The following SPATA16 variants were observed in gnomAD, a reference collection of about 807,000 sequenced individuals.
SPATA16 encodes spermatogenesis-associated protein 16.
SPATA16 carries 36 observed loss-of-function variants against 63.3 expected under a neutral mutation model. That is an observed-to-expected ratio of 0.57 (90% CI 0.44 to 0.75). SPATA16 has a LOEUF of 0.75. Among genes scored for constraint, SPATA16 ranks in the 30% least tolerant of loss-of-function variants. The probability of loss-of-function intolerance (pLI) is 0.00; values close to 1 mark genes in which losing one functional copy is unlikely to be tolerated. For synonymous variants in SPATA16, 203 were observed against 216.7 expected (o/e 0.94, Z 0.56); for missense variants, 646 against 679.3 (o/e 0.95, Z 0.54).
chr3:173,018,337 C>T (rs993541336), intron 4 of SPATA16, among the ~76,000 whole-genome samples: 2 of 150,328 alleles, frequency 1.3e-5, no homozygotes, highest in African/African-American at 4.9e-5. Context: ...TGCAATGGCG[C>T]GATCTCGGCT....
At chr3:173,051,524 T>G (rs1044298247) in intron 2 of SPATA16, among the ~76,000 whole-genome samples, 1 of 152,062 alleles carries the variant, frequency 6.6e-6, no homozygotes, top group East Asian at 1.9e-4. Context: ...TCAGTACAGA[T>G]GGGGTTTCAC....
intron 8 of SPATA16, among the ~76,000 whole-genome samples, chr3:172,917,859 C>A (rs1288325447): frequency 6.6e-6 from 1 of 152,174 alleles, no homozygotes; most frequent in Non-Finnish European, 1.5e-5. Flanking sequence ...TTTTGAAAGG[C>A]CACACTCGTA....
intron 2 of SPATA16, among the ~76,000 whole-genome samples, chr3:173,069,884 CTA>C (rs1397787203): frequency 1.3e-5 from 2 of 151,782 alleles, no homozygotes; most frequent in Admixed American, 1.3e-4. Context: ...AGGACAAAAA[CTA>C]TATGATTACT....
chr3:173,134,354 G>C (rs535792001), intron 1 of SPATA16, among the ~76,000 whole-genome samples: 1 of 151,886 alleles, frequency 6.6e-6, no homozygotes, highest in African/African-American at 2.4e-5. Context: ...GTGAGTGAGG[G>C]AGTAAATTCT....
At chr3:173,042,495 G>C (rs1275401317) in intron 3 of SPATA16, among the ~76,000 whole-genome samples, 1 of 152,096 alleles carries the variant, frequency 6.6e-6, no homozygotes, top group Admixed American at 6.6e-5. Flanking sequence ...CAAAGTGTTG[G>C]CATTACAGGC....
Position 172,929,222 on chromosome 3 carries a change from G to T in SPATA16, c.1082-3730C>A, listed in dbSNP as rs1011309580. Among the ~76,000 whole-genome samples the T allele has an allele frequency of 1.8e-4, 27 of 151,984 alleles. 1 individual carries two copies. The highest frequency in any genetic ancestry group is 7.3e-5 in the African/African-American group (3 of 41,372). On this transcript the variant is annotated intron_variant, in intron 6 of 10. Coordinates refer to ENST00000351008, the MANE Select transcript of SPATA16 (RefSeq NM_031955.6). The stretch of plus-strand genomic sequence containing the variant: ...AGATGAAATTTATATGACTATGACT[G>T]AATTTATTATTAAAAAAAAATCAGT...
intron 1 of SPATA16, among the ~76,000 whole-genome samples, chr3:173,123,177 A>C (rs1223962008): frequency 6.6e-6 from 1 of 152,244 alleles, no homozygotes. Context: ...TGTTATATAC[A>C]TAATAATAAC....
Position 172,956,722 on chromosome 3 carries a change from C to T in SPATA16, c.1036G>A (p.Ala346Thr), listed in dbSNP as rs995938659. The T allele has an allele frequency of 1.9e-6, 3 of 1,612,654 alleles. No individual in the cohort carries two copies. The highest frequency in any genetic ancestry group is 1.7e-4 in the Middle Eastern group (1 of 5,908). Residue 346 changes from alanine to threonine, a missense_variant, in exon 6 of 11, where the codon GCT (alanine) becomes ACT (threonine). Coordinates refer to ENST00000351008, the MANE Select transcript of SPATA16 (RefSeq NM_031955.6). ...TATGCAGGATGAGTTTTTGTGAAAG[C>T]ATCTTTTACTTTTTCTATTTTATCA... ...RADKIEKVKD[A>T]FTKTHPAYAE...
intron 6 of SPATA16, among the ~76,000 whole-genome samples, chr3:172,938,749 A>G (rs1261293114): frequency 1.3e-5 from 2 of 152,172 alleles, no homozygotes; most frequent in Non-Finnish European, 1.5e-5. Context: ...TTAGAATCAC[A>G]GAAAGTTTGG....
intron 6 of SPATA16, among the ~76,000 whole-genome samples, chr3:172,936,256 AG>A (rs1466753704): frequency 6.6e-6 from 1 of 152,194 alleles, no homozygotes; most frequent in Admixed American, 6.5e-5. Context: ...GGGAGGAAAT[AG>A]GGAGTAAAGA....
chr3:172,916,443 C>T lies in SPATA16; in HGVS notation c.1377G>A (p.Leu459=). Residue 459 remains leucine (L), a synonymous_variant, in exon 9 of 11, where the codon TTG becomes TTA. Transcript: ENST00000351008. ...GCTGGCTGAGGAGGCTGGCATATTG[C>T]AACTTCTCCATCACACCTGAGGATG... is the stretch of plus-strand genomic sequence containing the variant. ...FPASSGVMEK[L]QYASLLSQLQ... 1 of 1,613,820 alleles carries T rather than the reference C, an allele frequency of 6.2e-7. No homozygotes were observed. Among genetic ancestry groups the T allele is most frequent in the Non-Finnish European group, 8.5e-7 (1 of 1,179,794 alleles).
intron 4 of SPATA16, among the ~76,000 whole-genome samples, chr3:172,983,330 T>C (rs940253028): frequency 2.7e-5 from 4 of 146,542 alleles, no homozygotes; most frequent in South Asian, 4.2e-4. Context: ...TGACCTCTCT[T>C]TTTTTTTTTT....
chr3:173,042,698 A>G (rs962019709), intron 3 of SPATA16, among the ~76,000 whole-genome samples: 10 of 152,170 alleles, frequency 6.6e-5, no homozygotes, highest in Admixed American at 1.3e-4. Context: ...GGCCAAGGGA[A>G]GTTAATTATG....
At chr3:173,026,205 T>G (rs1396698921) in intron 3 of SPATA16, among the ~76,000 whole-genome samples, 5 of 151,834 alleles carry the variant, frequency 3.3e-5, no homozygotes, top group African/African-American at 1.2e-4. Context: ...GAGGATCTTT[T>G]CATGTGATTA....
At chr3:173,031,201 C>G (rs555559956) in intron 3 of SPATA16, among the ~76,000 whole-genome samples, 2 of 151,330 alleles carry the variant, frequency 1.3e-5, no homozygotes, top group African/African-American at 4.8e-5. Context: ...ACACTTAACA[C>G]TGGGTAAGAT....
intron 5 of SPATA16, among the ~76,000 whole-genome samples, chr3:172,963,486 T>C (rs1447958141): frequency 6.6e-6 from 1 of 151,878 alleles, no homozygotes; most frequent in Non-Finnish European, 1.5e-5. Context: ...AATTTAGTTT[T>C]GTAGTGTGTT....
chr3:172,911,317 C>T (rs903203734), intron 10 of SPATA16, among the ~76,000 whole-genome samples: 21 of 152,186 alleles, frequency 1.4e-4, no homozygotes, highest in African/African-American at 5.1e-4. Flanking sequence ...GGACTCTAAC[C>T]TCAGGGACAC....
chr3:172,924,647 A>C lies in SPATA16; in HGVS notation c.1229-330T>G, dbSNP rs542827670. On this transcript the variant is annotated intron_variant, in intron 7 of 10. Coordinates refer to ENST00000351008, the MANE Select transcript of SPATA16 (RefSeq NM_031955.6). ...AAAAAATGCGTCATAAATGTGTCTG[A>C]TTCTTGTCTTGTTCCTCCTAGGTAT... Among the ~76,000 whole-genome samples, 5 of 152,314 alleles carry C rather than the reference A, an allele frequency of 3.3e-5. No individual in the cohort carries two copies. In the East Asian group the frequency reaches 9.6e-4, roughly 29 times the overall value.
chr3:172,984,175 G>A (rs1232670217), intron 4 of SPATA16, among the ~76,000 whole-genome samples: 2 of 152,020 alleles, frequency 1.3e-5, no homozygotes, highest in Non-Finnish European at 1.5e-5. Context: ...CACATTTCAG[G>A]TGCTCGGTAG....
Sources: allele counts gnomAD v4.1 joint callset (sites outside exome capture counted in the v4.1 genomes callset), GRCh38; gene constraint gnomAD v4.1.1; transcripts MANE v1.5; gene names NCBI Gene and HGNC (gene_info 2026-07-23, HGNC 2026-07-21).